The following RGS22 variants were observed in gnomAD, a reference collection of about 807,000 sequenced individuals.
RGS22 encodes the protein regulator of G-protein signaling 22.
Under a neutral mutation model 172.9 loss-of-function variants are expected in RGS22, and 148 were observed. The ratio of observed to expected loss-of-function variants is 0.86; its 90% confidence interval spans 0.75 to 0.98. The LOEUF is 0.98. Ranked by LOEUF, RGS22 falls within the 50% of genes least tolerant of loss-of-function variation. The pLI is 0.00. For synonymous variants in RGS22, 458 were observed against 480.2 expected, an observed-to-expected ratio of 0.95 and a Z score of 0.60; for missense variants, 1,347 against 1,440.8, an observed-to-expected ratio of 0.93 and a Z score of 1.05.
intron 10 of RGS22, among the ~76,000 whole-genome samples, chr8:100,051,839 ATATATT>A (rs1248074717): frequency 1.2e-4 from 7 of 57,450 alleles, no homozygotes; most frequent in East Asian, 6.3e-4. Flanking sequence ...ATAAATGTTT[ATATATT>A]TATATATTTA....
At chr8:100,071,248 A>C (rs1810948504) in intron 6 of RGS22, 121 bp downstream of exon 6, 2 of 826,258 alleles carry the variant, frequency 2.4e-6, no homozygotes, top group Non-Finnish European at 3.5e-6. Flanking sequence ...TGATCATATC[A>C]CTGCACTCCA....
rs192103539 is a variant in RGS22, at chr8:99,967,303, G to A, written c.3520-1873C>T. On this transcript the variant is annotated intron_variant, in intron 23 of 27. Coordinates refer to ENST00000360863, the MANE Select transcript of RGS22 (RefSeq NM_015668.5). Reference sequence around the variant, plus strand: ...CAAGCACAAAACTGGGCAGCTGTTTGGGCAGACACCGAGCTAGCTCCGGGA... The same window carrying A: ...CAAGCACAAAACTGGGCAGCTGTTTAGGCAGACACCGAGCTAGCTCCGGGA... 1.6e-3 allele frequency among the ~76,000 whole-genome samples: 247 copies of A among 151,980 alleles called. 2 individuals carry two copies. Among genetic ancestry groups the A allele is most frequent in the African/African-American group, 5.4e-3 (222 of 41,470 alleles).
rs148857274 is a variant in RGS22 at position 99,975,018 on chromosome 8, C to T, written c.3519+2899G>A. On this transcript the variant is annotated intron_variant, in intron 23 of 27. Transcript: ENST00000360863. ...AAAATTAGCCAGGCGTGGTGGTATG[C>T]ACCTTTAATCCCAGCTACTCAGGAG... 8.8e-3 allele frequency among the ~76,000 whole-genome samples: 1,334 copies of T among 151,890 alleles called. 7 individuals carry two copies. The highest frequency in any genetic ancestry group is 0.014 in the Non-Finnish European group (940 of 67,960).
chr8:100,005,913 C>T (rs1221382524), intron 16 of RGS22, 104 bp downstream of exon 16: 1 of 702,976 alleles, frequency 1.4e-6, no homozygotes, highest in Non-Finnish European at 2.4e-6. Context: ...AATGAAACTG[C>T]CTATATGATC....
Position 100,063,560 on chromosome 8 carries a change from G to A in RGS22, c.1208C>T (p.Ser403Phe). ...GPESRADWCI[S>F]HRTYDIGNRK... Reference sequence around the variant, plus strand: ...ATTGCCAATGTCATAAGTCCTATGAGAAATACACCAGTCCGCCCTGCTCTC... The same window carrying A: ...ATTGCCAATGTCATAAGTCCTATGAAAAATACACCAGTCCGCCCTGCTCTC... The change falls in exon 8 of 28, where the codon TCT becomes TTT. Residue 403 changes from serine to phenylalanine, a missense_variant. Physicochemically the swap from Ser to Phe is radical, Grantham distance 155. Coordinates refer to ENST00000360863, the MANE Select transcript of RGS22 (RefSeq NM_015668.5). The A allele has an allele frequency of 8.1e-6, 13 of 1,613,936 alleles. No individual in the cohort carries two copies. The highest frequency in any genetic ancestry group is 1.1e-5 in the Non-Finnish European group (13 of 1,179,976).
intron 3 of RGS22, 191 bp from the exon 4 acceptor site, chr8:100,080,546 G>A (rs1586232459): frequency 3.6e-6 from 2 of 556,668 alleles, no homozygotes; most frequent in Non-Finnish European, 6.4e-6. Context: ...ACTCTTCCTT[G>A]CCAATGCACT....
intron 3 of RGS22, among the ~76,000 whole-genome samples, chr8:100,090,247 C>G (rs562312324): frequency 2.0e-5 from 3 of 152,234 alleles, no homozygotes; most frequent in African/African-American, 7.2e-5. Flanking sequence ...AGCAAGGTTT[C>G]TAAGATCATG....
At chr8:100,087,181 G>T (rs1563719675) in intron 3 of RGS22, among the ~76,000 whole-genome samples, 1 of 152,134 alleles carries the variant, frequency 6.6e-6, no homozygotes, top group African/African-American at 2.4e-5. Flanking sequence ...AGAAATGAAT[G>T]ATGTAGAAAG....
At chr8:99,981,641 G>A (rs1468547422) in intron 22 of RGS22, among the ~76,000 whole-genome samples, 7 of 151,494 alleles carry the variant, frequency 4.6e-5, no homozygotes, top group Non-Finnish European at 1.0e-4. Flanking sequence ...AGTATTGGGA[G>A]GACTGGAACC....
intron 14 of RGS22, among the ~76,000 whole-genome samples, chr8:100,032,806 C>A (rs1407284034): frequency 1.4e-4 from 21 of 152,028 alleles, no homozygotes; most frequent in Admixed American, 1.4e-3. Flanking sequence ...CCAGAAATCA[C>A]AACAAACTAT....
intron 14 of RGS22, among the ~76,000 whole-genome samples, chr8:100,028,946 A>G (rs1818473725): frequency 6.6e-6 from 1 of 152,224 alleles, no homozygotes; most frequent in African/African-American, 2.4e-5. Flanking sequence ...GTTACATTAC[A>G]TAAGATAGCA....
intron 6 of RGS22, among the ~76,000 whole-genome samples, chr8:100,068,111 A>G (rs1810671563): frequency 6.6e-6 from 1 of 152,036 alleles, no homozygotes; most frequent in African/African-American, 2.4e-5. Context: ...TAAAGCGGCA[A>G]TGTGTGGTGG....
intron 3 of RGS22, among the ~76,000 whole-genome samples, chr8:100,089,156 C>A (rs1381508844): frequency 6.6e-6 from 1 of 151,496 alleles, no homozygotes; most frequent in Non-Finnish European, 1.5e-5. Flanking sequence ...AAAGTCCAAT[C>A]TTCCACCATA....
At chr8:100,068,940 A>G (rs2131829059) in intron 6 of RGS22, among the ~76,000 whole-genome samples, 1 of 105,864 alleles carries the variant, frequency 9.4e-6, no homozygotes, top group Admixed American at 1.0e-4. Flanking sequence ...GTCTCAAAAA[A>G]AAAAAAAAAG....
rs145505824 is a variant in RGS22, at chr8:99,992,659, A to G, written c.3018+3803T>C. Among the ~76,000 whole-genome samples the G allele has an allele frequency of 9.4e-3, 1,424 of 152,290 alleles. 23 individuals are homozygous for G. Among genetic ancestry groups the G allele is most frequent in the African/African-American group, 0.032 (1,331 of 41,554 alleles). The stretch of plus-strand genomic sequence containing the variant: ...ATGAAGAGACTTAGACTCCCACACA[A>G]TAATAATGGGAGACTTTAACACCCC... On this transcript the variant is annotated intron_variant, in intron 20 of 27. Coordinates refer to ENST00000360863, the MANE Select transcript of RGS22 (RefSeq NM_015668.5).
intron 14 of RGS22, among the ~76,000 whole-genome samples, chr8:100,021,487 G>C (rs1817595375): frequency 6.6e-6 from 1 of 152,210 alleles, no homozygotes; most frequent in South Asian, 2.1e-4. Flanking sequence ...TGATGAGAAA[G>C]TACAAGGAAC....
At position 99,965,343 on chromosome 8, in the gene RGS22, C is replaced by T. The variant is rs1471295402; in HGVS notation, c.3607G>A (p.Gly1203Ser). 3 of 1,612,058 alleles carry T rather than the reference C, an allele frequency of 1.9e-6. No homozygotes were observed. The Admixed American group carries it at 5.0e-5, about 27-fold the overall frequency. ...SDSFLGLQPY[G>S]RQPTWCYSKY... ...CCATCTTGCATGCTTACCTGTCGGC[C>T]ATATGGTTGGAGGCCTAGGAAGGAA... Residue 1203 changes from glycine (G) to serine (S), a missense_variant, in exon 24 of 28, where the codon GGC (glycine) becomes AGC (serine). Transcript: ENST00000360863.
chr8:99,985,926 T>C lies in RGS22; in HGVS notation c.3180+1532A>G, dbSNP rs183120291. ...CCACCCACCCATGATAAAAAAATTATCTATTGTGGAAAACACACTCTACCT... is the reference window on the plus strand; with the variant it reads ...CCACCCACCCATGATAAAAAAATTACCTATTGTGGAAAACACACTCTACCT... On this transcript the variant is annotated intron_variant, in intron 21 of 27. Coordinates refer to ENST00000360863, the MANE Select transcript of RGS22 (RefSeq NM_015668.5). Among the ~76,000 whole-genome samples the C allele has an allele frequency of 3.9e-5, 6 of 152,304 alleles. No individual in the cohort carries two copies. In the East Asian group the frequency reaches 1.2e-3, roughly 29 times the overall value.
chr8:100,043,637 G>A (rs1011115248), intron 11 of RGS22, among the ~76,000 whole-genome samples: 5 of 152,026 alleles, frequency 3.3e-5, no homozygotes, highest in East Asian at 1.9e-4. Flanking sequence ...TGAGCTGGGC[G>A]TGGTGGCAGG....
Sources: allele counts gnomAD v4.1 joint callset (sites outside exome capture counted in the v4.1 genomes callset), GRCh38; gene constraint gnomAD v4.1.1; transcripts MANE v1.5; gene names NCBI Gene and HGNC (gene_info 2026-07-23, HGNC 2026-07-21).